SLC9C1: variants seen among roughly 807,000 people sequenced by gnomAD.
SLC9C1 encodes the protein sodium/hydrogen exchanger 10.
A neutral mutation model predicts 140.9 loss-of-function variants in SLC9C1; 97 were observed. That is an observed-to-expected ratio of 0.69 (90% CI 0.58 to 0.82). The LOEUF (loss-of-function observed/expected upper bound fraction) is 0.82. SLC9C1 is among the 40% of genes least tolerant of loss of function. SLC9C1 has a pLI of 0.00. For synonymous variants in SLC9C1, 440 were observed against 442.6 expected (o/e 0.99, Z 0.07); for missense variants, 1,340 against 1,389.3 (o/e 0.96, Z 0.56).
Position 112,208,220 on chromosome 3 carries a change from G to C in SLC9C1, c.1944C>G (p.Asn648Lys). The change falls in exon 16 of 29, where the codon AAC becomes AAG. Residue 648 changes from asparagine to lysine, a missense_variant. Coordinates refer to ENST00000305815, the MANE Select transcript of SLC9C1 (RefSeq NM_183061.3). ...VIYHSELKHTNYCFLTLYILE... is the reference protein window; with the variant it reads ...VIYHSELKHTKYCFLTLYILE... ...GAATATAAAGTGTAAGAAAACAGTA[G>C]TTAGTGTGTTTTAATTCGCTGTGGT... 6.2e-7 allele frequency: 1 copy of C among 1,610,458 alleles called. No homozygotes were observed. Among genetic ancestry groups the C allele is most frequent in the East Asian group, 2.2e-5 (1 of 44,714 alleles).
chr3:112,214,609 C>T (rs898278824), intron 15 of SLC9C1, among the ~76,000 whole-genome samples: 1 of 152,004 alleles, frequency 6.6e-6, no homozygotes, highest in Non-Finnish European at 1.5e-5. Context: ...AGAAAATCTA[C>T]AAGAAATGGA....
At chr3:112,162,356 A>C (rs1387334620) in intron 26 of SLC9C1, among the ~76,000 whole-genome samples, 1 of 152,102 alleles carries the variant, frequency 6.6e-6, no homozygotes, top group Admixed American at 6.5e-5. Flanking sequence ...GCCAGTTTTC[A>C]AAGGGAATGC....
At chr3:112,282,664 TGA>T (rs1491090046) in intron 2 of SLC9C1, among the ~76,000 whole-genome samples, 135 of 5,610 alleles carry the variant, frequency 0.024, no homozygotes, top group Non-Finnish European at 0.053. Flanking sequence ...CAGTTAATAA[TGA>T]AAAAAAAAAA....
At chr3:112,207,123 T>C (rs548205452) in intron 16 of SLC9C1, among the ~76,000 whole-genome samples, 23 of 152,328 alleles carry the variant, frequency 1.5e-4, no homozygotes, top group African/African-American at 5.5e-4. Context: ...TCAAAATTCC[T>C]ACTATTTTGT....
chr3:112,239,494 T>C (rs1331302917), intron 12 of SLC9C1, among the ~76,000 whole-genome samples: 1 of 152,240 alleles, frequency 6.6e-6, no homozygotes, highest in African/African-American at 2.4e-5. Context: ...CCCAGTGAGA[T>C]GAACCTGGTA....
At position 112,168,942 on chromosome 3, in the gene SLC9C1, C is replaced by T. The variant is rs1576258149; in HGVS notation, c.3172G>A (p.Val1058Ile). The T allele has an allele frequency of 6.2e-7, 1 of 1,610,514 alleles. No individual in the cohort carries two copies. ...GTTTTTCGTAACAGACAATCTTCTACAGCTCCATGTATGAGGATAACATAG... is the reference window on the plus strand; with the variant it reads ...GTTTTTCGTAACAGACAATCTTCTATAGCTCCATGTATGAGGATAACATAG... ...LIYVILIHGA[V>I]EDCLLRKTYR... The change falls in exon 25 of 29, where the codon GTA (valine) becomes ATA (isoleucine). Residue 1058 changes from valine (V) to isoleucine (I), a missense_variant. Physicochemically the swap from Val to Ile is conservative, Grantham distance 29. Coordinates refer to ENST00000305815, the MANE Select transcript of SLC9C1 (RefSeq NM_183061.3).
intron 15 of SLC9C1, among the ~76,000 whole-genome samples, chr3:112,217,151 A>G (rs2078400423): frequency 6.6e-6 from 1 of 152,204 alleles, no homozygotes; most frequent in Non-Finnish European, 1.5e-5. Context: ...TGGGAACTGA[A>G]CAATGAGAAC....
chr3:112,166,736 A>G (rs2077146367), intron 26 of SLC9C1, among the ~76,000 whole-genome samples: 2 of 152,024 alleles, frequency 1.3e-5, no homozygotes, highest in South Asian at 4.1e-4. Context: ...CAATTTTTAA[A>G]TTTATCTCAA....
chr3:112,287,124 C>T (rs988334921), intron 1 of SLC9C1, among the ~76,000 whole-genome samples: 3 of 152,208 alleles, frequency 2.0e-5, no homozygotes, highest in Non-Finnish European at 4.4e-5. Flanking sequence ...GTTACCCACT[C>T]TGAATCCATC....
intron 10 of SLC9C1, among the ~76,000 whole-genome samples, chr3:112,247,952 G>GTATTTAAGTA (rs1471555545): frequency 6.6e-6 from 1 of 151,676 alleles, no homozygotes; most frequent in Non-Finnish European, 1.5e-5. Flanking sequence ...CTTAAATATG[G>GTATTTAAGTA]ACTAGACGTA....
intron 26 of SLC9C1, among the ~76,000 whole-genome samples, chr3:112,165,891 G>A (rs951395533): frequency 3.9e-5 from 6 of 152,226 alleles, no homozygotes; most frequent in African/African-American, 1.4e-4. Flanking sequence ...AAGCAGGCAG[G>A]CCTCCTTGAG....
chr3:112,208,140 C>A, intron 16 of SLC9C1, 38 bp downstream of exon 16: 3 of 1,457,298 alleles, frequency 2.1e-6, no homozygotes, highest in South Asian at 2.8e-5. Flanking sequence ...CCCTGTCAGA[C>A]ATATAACACT....
intron 16 of SLC9C1, among the ~76,000 whole-genome samples, chr3:112,205,323 T>TA (rs1419410807): frequency 6.6e-5 from 10 of 151,890 alleles, no homozygotes; most frequent in African/African-American, 2.2e-4. Context: ...GACAATAAAA[T>TA]ACCTGGGAAT....
At chr3:112,185,785 T>A in intron 20 of SLC9C1, 1 of 1,553,364 alleles carries the variant, frequency 6.4e-7, no homozygotes, top group Admixed American at 1.9e-5. Context: ...ACGATGCGGC[T>A]GCGAGAGGGC....
At chr3:112,291,628 CA>C (rs953228528) in intron 1 of SLC9C1, among the ~76,000 whole-genome samples, 11 of 152,042 alleles carry the variant, frequency 7.2e-5, no homozygotes, top group Admixed American at 7.2e-4. Flanking sequence ...CAGATGCTGA[CA>C]AGGTTGTGGA....
rs200929933 is a variant in SLC9C1, at chr3:112,143,441, G to A, written c.3525-2160C>T. 2.0e-5 allele frequency among the ~76,000 whole-genome samples: 3 copies of A among 152,248 alleles called. No individual in the cohort carries two copies. The East Asian group carries it at 5.8e-4, about 29-fold the overall frequency. ...TTTAGTAAGAGTCATTCTGAATGGT[G>A]TGAGGTAGTATCTCATTGTGGTTTT... On this transcript the variant is annotated intron_variant, in intron 28 of 28. Transcript: ENST00000305815.
chr3:112,213,690 C>A (rs554927673), intron 15 of SLC9C1, among the ~76,000 whole-genome samples: 2 of 152,264 alleles, frequency 1.3e-5, no homozygotes, highest in South Asian at 2.1e-4. Context: ...AATACAGGAG[C>A]ACCCAGATTC....
chr3:112,245,408 G>A (rs2079254079), intron 10 of SLC9C1, among the ~76,000 whole-genome samples: 1 of 151,400 alleles, frequency 6.6e-6, no homozygotes, highest in Non-Finnish European at 1.5e-5. Flanking sequence ...TAGGTATGGT[G>A]TGAGGTAAAA....
chr3:112,183,344 C>CTTTTATTTTTTTTTTT (rs1159788975), intron 20 of SLC9C1, among the ~76,000 whole-genome samples: 1 of 20,964 alleles, frequency 4.8e-5, no homozygotes. Context: ...TATTTAGCAC[C>CTTTTATTTTTTTTTTT]TTTTCTTTTT....
Sources: gnomAD v4.1 joint callset for allele counts (sites outside exome capture counted in the v4.1 genomes callset) on GRCh38, gnomAD v4.1.1 for gene constraint, MANE v1.5 for transcripts, NCBI Gene and HGNC (gene_info 2026-07-23, HGNC 2026-07-21) for gene names.